The following CYFIP2 variants were observed in gnomAD, a reference collection of about 807,000 sequenced individuals.
CYFIP2 encodes the protein cytoplasmic FMR1-interacting protein 2.
In CYFIP2, 29 loss-of-function variants were observed where a neutral mutation model predicts 158.7. The ratio of observed to expected loss-of-function variants is 0.18; its 90% CI spans 0.14 to 0.25. The LOEUF (loss-of-function observed/expected upper bound fraction) is 0.25, where lower values mean the gene tolerates loss of function less well. CYFIP2 is among the 10% of genes least tolerant of loss of function. CYFIP2 has a pLI of 1.00. For synonymous variants in CYFIP2, 585 were observed against 617.6 expected (o/e 0.95, Z 0.78); for missense variants, 852 against 1,639.5 (o/e 0.52, Z 8.29).
intron 18 of CYFIP2, among the ~76,000 whole-genome samples, chr5:157,326,727 G>A (rs1158128208): frequency 6.6e-6 from 1 of 152,226 alleles, no homozygotes. Flanking sequence ...AATGGGGCCT[G>A]AGTGCACACG....
In CYFIP2 at chr5:157,271,105, G is replaced by A. The variant is rs537735070; in HGVS notation, c.-24+4910G>A. Among the ~76,000 whole-genome samples the A allele has an allele frequency of 3.9e-5, 6 of 152,340 alleles. No homozygotes were observed. The East Asian group carries it at 9.6e-4, about 24-fold the overall frequency. On this transcript the variant is annotated intron_variant, in intron 1 of 30. Coordinates refer to ENST00000620254, the MANE Select transcript of CYFIP2 (RefSeq NM_001037333.3). ...GGCTGGTCAGACCTTTGTGGAAAAG[G>A]CATGTCTTCGTGTGGGCCATGATAG... is the stretch of plus-strand genomic sequence containing the variant.
chr5:157,319,120 G>A (rs773822845), intron 13 of CYFIP2, among the ~76,000 whole-genome samples: 2 of 152,116 alleles, frequency 1.3e-5, no homozygotes, highest in African/African-American at 2.4e-5. Context: ...TCCCAAAAGA[G>A]CGAGCCAAGG....
chr5:157,314,197 C>T (rs1759956257), intron 11 of CYFIP2, 147 bp from the exon 12 acceptor site: 3 of 1,012,740 alleles, frequency 3.0e-6, no homozygotes, highest in South Asian at 4.5e-5. Context: ...ATGTGGCCTT[C>T]AGCAAGGCAC....
At chr5:157,317,582 C>T (rs1760251899) in intron 13 of CYFIP2, among the ~76,000 whole-genome samples, 1 of 152,160 alleles carries the variant, frequency 6.6e-6, no homozygotes, top group Non-Finnish European at 1.5e-5. Flanking sequence ...CCCATCTTCC[C>T]ATCGTGGTAA....
intron 22 of CYFIP2, among the ~76,000 whole-genome samples, chr5:157,339,700 A>G (rs10037858): frequency 0.46 from 70,627 of 152,126 alleles, 18,246 homozygotes; most frequent in African/African-American, 0.71. Context: ...CACCTATTCC[A>G]GTCCAAAAAG....
At chr5:157,293,117 G>A (rs998465253) in intron 3 of CYFIP2, among the ~76,000 whole-genome samples, 1 of 151,944 alleles carries the variant, frequency 6.6e-6, no homozygotes, top group African/African-American at 2.4e-5. Flanking sequence ...ATGCAATGGC[G>A]CAATCTAAGC....
At position 157,330,729 on chromosome 5, in the gene CYFIP2, T is replaced by A. The variant is rs540576608; in HGVS notation, c.2157-13T>A. Reference sequence around the variant, plus strand: ...TCTGTTTACTGGCCTTGTTTCACTTTTATTCCTTGCAGTGTCCTGTTGGAT... The same window carrying A: ...TCTGTTTACTGGCCTTGTTTCACTTATATTCCTTGCAGTGTCCTGTTGGAT... On this transcript the variant is annotated splice_polypyrimidine_tract_variant and intron_variant, in intron 19 of 30. Coordinates refer to ENST00000620254, the MANE Select transcript of CYFIP2 (RefSeq NM_001037333.3). The A allele has an allele frequency of 1.1e-5, 17 of 1,611,568 alleles. No homozygotes were observed. The Admixed American group carries it at 2.2e-4, about 21-fold the overall frequency.
rs191874538 is a variant in CYFIP2, at chr5:157,308,337, A to T, written c.900+472A>T. Among the ~76,000 whole-genome samples, 167 of 152,270 alleles carry T rather than the reference A, an allele frequency of 1.1e-3. 1 individual carries two copies. Among genetic ancestry groups the T allele is most frequent in the African/African-American group, 3.9e-3 (160 of 41,552 alleles). ...CAGCCTCTCACCTGGTACACCAGGG[A>T]CCACCTCAGCTTGCCCTTACCTCTG... is the stretch of plus-strand genomic sequence containing the variant. On this transcript the variant is annotated intron_variant, in intron 9 of 30. Transcript: ENST00000620254.
At chr5:157,320,116 C>G (rs1760472336) in intron 14 of CYFIP2, among the ~76,000 whole-genome samples, 188 bp downstream of exon 14, 1 of 152,204 alleles carries the variant, frequency 6.6e-6, no homozygotes, top group Non-Finnish European at 1.5e-5. Context: ...CCACTGCTAT[C>G]TAGCTGTGTG....
chr5:157,375,673 G>A (rs1363212671), intron 26 of CYFIP2: 1 of 147,028 alleles, frequency 6.8e-6, no homozygotes, highest in East Asian at 2.0e-4. Flanking sequence ...TGTTGTTAGT[G>A]TATTTTATTT....
At chr5:157,389,108 A>G in intron 28 of CYFIP2, 81 bp from the exon 29 acceptor site, 1 of 1,372,954 alleles carries the variant, frequency 7.3e-7, no homozygotes, top group South Asian at 1.4e-5. Flanking sequence ...AGCCAGCTCC[A>G]GAGTTCGGGA....
intron 6 of CYFIP2, among the ~76,000 whole-genome samples, chr5:157,302,374 A>G (rs1163002731): frequency 6.6e-6 from 1 of 152,138 alleles, no homozygotes; most frequent in Non-Finnish European, 1.5e-5. Context: ...CCTGTAAATA[A>G]CAGAATACAC....
At chr5:157,381,441 T>C (rs1183886372) in intron 26 of CYFIP2, among the ~76,000 whole-genome samples, 1 of 150,258 alleles carries the variant, frequency 6.7e-6, no homozygotes, top group Non-Finnish European at 1.5e-5. Flanking sequence ...GCAGGAGTAA[T>C]TGCTTGAATA....
In CYFIP2 at chr5:157,344,686, T is replaced by C. The variant is rs182296224; in HGVS notation, c.2673+3529T>C. Among the ~76,000 whole-genome samples the C allele has an allele frequency of 2.5e-3, 374 of 152,324 alleles. 2 individuals are homozygous for C. Among genetic ancestry groups the C allele is most frequent in the African/African-American group, 8.5e-3 (352 of 41,564 alleles). On this transcript the variant is annotated intron_variant, in intron 23 of 30. Coordinates refer to ENST00000620254, the MANE Select transcript of CYFIP2 (RefSeq NM_001037333.3). ...CATAGTCAGCCTACGCATATTCACA[T>C]AACAGTCTCACCCTGCTTTGTCTTC...
At chr5:157,325,784 C>A in intron 17 of CYFIP2, 146 bp downstream of exon 17, 1 of 864,692 alleles carries the variant, frequency 1.2e-6, no homozygotes, top group South Asian at 2.3e-5. Flanking sequence ...CTCAGCCAGA[C>A]AGAATCATTT....
intron 3 of CYFIP2, among the ~76,000 whole-genome samples, chr5:157,292,952 A>G (rs1391489002): frequency 1.3e-5 from 2 of 152,142 alleles, no homozygotes; most frequent in African/African-American, 4.8e-5. Context: ...ATTTTAGGAT[A>G]AGTGATTTAC....
chr5:157,319,069 A>G (rs1760377536), intron 13 of CYFIP2, among the ~76,000 whole-genome samples: 1 of 152,190 alleles, frequency 6.6e-6, no homozygotes, highest in Non-Finnish European at 1.5e-5. Context: ...AGAAGCAGCC[A>G]GAAACCTAGA....
chr5:157,343,465 C>T (rs545494445), intron 23 of CYFIP2: 2 of 1,609,506 alleles, frequency 1.2e-6, no homozygotes, highest in African/African-American at 2.7e-5. Flanking sequence ...AATAGTCCTC[C>T]AGGCAGGGCT....
chr5:157,306,572 G>A (rs942788533), intron 8 of CYFIP2, among the ~76,000 whole-genome samples: 1 of 152,120 alleles, frequency 6.6e-6, no homozygotes. Flanking sequence ...TGCAGAAAAC[G>A]ATGAAGTTCA....
Sources: gnomAD v4.1 joint callset for allele counts (sites outside exome capture counted in the v4.1 genomes callset) on GRCh38, gnomAD v4.1.1 for gene constraint, MANE v1.5 for transcripts, NCBI Gene and HGNC (gene_info 2026-07-23, HGNC 2026-07-21) for gene names.